The following CLIC4 variants were observed in gnomAD, a reference collection of about 807,000 sequenced individuals.
CLIC4 encodes the protein CLIC family member 4, also known as chloride intracellular channel protein 4.
Under a neutral mutation model 24.6 loss-of-function variants are expected in CLIC4, and 13 were observed. The observed-to-expected ratio is 0.53, with a 90% CI of 0.34 to 0.84. The LOEUF (loss-of-function observed/expected upper bound fraction) is 0.84. Among genes scored for constraint, CLIC4 ranks in the 40% least tolerant of loss-of-function variants. The pLI is 0.01. For synonymous variants in CLIC4, 104 were observed against 111.3 expected, an observed-to-expected ratio of 0.93 and a Z score of 0.41; for missense variants, 227 against 301.7, an observed-to-expected ratio of 0.75 and a Z score of 1.83.
At chr1:24,837,844 T>C (rs1023115990) in intron 4 of CLIC4, among the ~76,000 whole-genome samples, 13 of 152,184 alleles carry the variant, frequency 8.5e-5, no homozygotes, top group African/African-American at 2.9e-4. Flanking sequence ...TGAAACCCGG[T>C]CTTCTCCGCA....
intron 2 of CLIC4, among the ~76,000 whole-genome samples, chr1:24,805,483 A>G (rs1421961283): frequency 2.0e-5 from 3 of 152,114 alleles, no homozygotes; most frequent in Non-Finnish European, 4.4e-5. Context: ...TGTTGTTGTT[A>G]TATGTTTATA....
intron 1 of CLIC4, among the ~76,000 whole-genome samples, chr1:24,766,105 C>G (rs926613403): frequency 3.3e-5 from 5 of 151,890 alleles, no homozygotes; most frequent in Non-Finnish European, 7.4e-5. Context: ...CTCCCGAGTT[C>G]CAGCTATTCT....
intron 3 of CLIC4, among the ~76,000 whole-genome samples, chr1:24,823,308 A>G (rs571424694): frequency 5.9e-5 from 9 of 152,152 alleles, no homozygotes; most frequent in Non-Finnish European, 1.3e-4. Context: ...TGTATGTTTT[A>G]TAGTTCTTGC....
intron 1 of CLIC4, among the ~76,000 whole-genome samples, chr1:24,754,537 A>G (rs910937197): frequency 1.3e-5 from 2 of 152,168 alleles, no homozygotes; most frequent in African/African-American, 4.8e-5. Flanking sequence ...CAAGTAGAGG[A>G]GTAAGCTAGG....
At chr1:24,813,989 C>T in intron 2 of CLIC4, 105 bp from the exon 3 acceptor site, 1 of 1,365,816 alleles carries the variant, frequency 7.3e-7, no homozygotes, top group African/African-American at 1.4e-5. Context: ...AGTGCTACGA[C>T]TACAGACGCA....
intron 4 of CLIC4, among the ~76,000 whole-genome samples, chr1:24,833,346 C>T (rs1286319767): frequency 0.022 from 62 of 2,778 alleles, 10 homozygotes; most frequent in African/African-American, 0.023. Context: ...GCTGATCCCC[C>T]CACCTCCCTC....
chr1:24,804,581 ATGTGTG>A (rs1032930713), intron 2 of CLIC4, among the ~76,000 whole-genome samples: 3 of 129,552 alleles, frequency 2.3e-5, no homozygotes, highest in East Asian at 4.5e-4. Context: ...GTGGGTGGGG[ATGTGTG>A]TGTGTGTGTG....
chr1:24,798,786 CCTGCG>C (rs1471357601), intron 2 of CLIC4, among the ~76,000 whole-genome samples: 1 of 151,564 alleles, frequency 6.6e-6, no homozygotes, highest in Non-Finnish European at 1.5e-5. Context: ...CTGCCGAGTG[CCTGCG>C]ATTGCAGGCA....
chr1:24,840,326 T>C (rs1301297849), intron 5 of CLIC4, among the ~76,000 whole-genome samples: 1 of 152,224 alleles, frequency 6.6e-6, no homozygotes, highest in Non-Finnish European at 1.5e-5. Context: ...ACTTATGTTA[T>C]CAAATTCTGT....
rs1009344934 is a variant in CLIC4, at chr1:24,840,762, T to G, written c.598-11T>G. 8 of 1,599,406 alleles carry G rather than the reference T, an allele frequency of 5.0e-6. No individual in the cohort carries two copies. The highest frequency in any genetic ancestry group is 3.5e-5 in the Admixed American group (2 of 57,558). On this transcript the variant is annotated splice_polypyrimidine_tract_variant and intron_variant, in intron 5 of 5. Transcript: ENST00000374379. ...ATAAGTCTGTTAACTTTTGATCTCTTTGTATTTCAGGTGGTGGCCAAAAAA... is the reference window on the plus strand; with the variant it reads ...ATAAGTCTGTTAACTTTTGATCTCTGTGTATTTCAGGTGGTGGCCAAAAAA...
At chr1:24,790,925 T>C (rs1639326990) in intron 1 of CLIC4, among the ~76,000 whole-genome samples, 1 of 152,174 alleles carries the variant, frequency 6.6e-6, no homozygotes, top group South Asian at 2.1e-4. Flanking sequence ...TCCCAGCACT[T>C]TGGGAGGCCA....
chr1:24,756,806 C>T (rs1480324855), intron 1 of CLIC4, among the ~76,000 whole-genome samples: 1 of 151,882 alleles, frequency 6.6e-6, no homozygotes, highest in Non-Finnish European at 1.5e-5. Context: ...CTGCAACCTC[C>T]GCCTCCCGGG....
Position 24,745,463 on chromosome 1 carries a change from C to G in CLIC4, c.-91C>G. 1 of 1,220,380 alleles carries G rather than the reference C, an allele frequency of 8.2e-7. No individual in the cohort carries two copies. The highest frequency in any genetic ancestry group is 1.2e-6 in the Non-Finnish European group (1 of 867,816). 75.6% of individuals were successfully genotyped at this position (1,220,380 alleles called of 1,614,324 possible). A position where few individuals can be genotyped will look rare whatever the true frequency, so the allele number is the denominator to read the frequency against. ...ACGCCGGACAGTCCAGCGAGCAGCA[C>G]GGCGGGAACCGGCAGCCGGAGCAGT... On this transcript the variant is annotated 5_prime_UTR_variant, in exon 1 of 6. Transcript: ENST00000374379.
intron 3 of CLIC4, among the ~76,000 whole-genome samples, chr1:24,825,556 A>G (rs1639779632): frequency 6.6e-6 from 1 of 152,214 alleles, no homozygotes; most frequent in Non-Finnish European, 1.5e-5. Flanking sequence ...AAAACTCTTT[A>G]TGTAAATAAT....
chr1:24,787,392 T>A (rs1203973074), intron 1 of CLIC4, among the ~76,000 whole-genome samples: 1 of 152,034 alleles, frequency 6.6e-6, no homozygotes, highest in Non-Finnish European at 1.5e-5. Flanking sequence ...AGCATGTATA[T>A]ATTTATATTT....
intron 1 of CLIC4, among the ~76,000 whole-genome samples, chr1:24,762,727 G>A (rs1638943927): frequency 6.6e-6 from 1 of 152,190 alleles, no homozygotes; most frequent in African/African-American, 2.4e-5. Flanking sequence ...CTTTGGTGGA[G>A]TAGTGGTGGT....
chr1:24,796,959 TA>T (rs201263157), intron 1 of CLIC4, among the ~76,000 whole-genome samples: 68 of 150,036 alleles, frequency 4.5e-4, no homozygotes, highest in Admixed American at 1.3e-3. Context: ...TTTATTTATT[TA>T]TTTTTTTTTT....
intron 1 of CLIC4, among the ~76,000 whole-genome samples, chr1:24,762,598 T>TA (rs1200001399): frequency 6.6e-6 from 1 of 152,044 alleles, no homozygotes; most frequent in Non-Finnish European, 1.5e-5. Flanking sequence ...GGAAAACTAC[T>TA]AGAGTGAGGT....
intron 1 of CLIC4, among the ~76,000 whole-genome samples, chr1:24,765,778 G>A (rs773343575): frequency 3.5e-4 from 52 of 150,060 alleles, no homozygotes; most frequent in Admixed American, 3.5e-3. Context: ...AGTATCATTT[G>A]TATTTTTCTT....
Sources: allele counts gnomAD v4.1 joint callset (sites outside exome capture counted in the v4.1 genomes callset), GRCh38; gene constraint gnomAD v4.1.1; transcripts MANE v1.5; gene names NCBI Gene and HGNC (gene_info 2026-07-23, HGNC 2026-07-21).